Variants in ZNF827 observed in about 807,000 individuals in gnomAD.
ZNF827 encodes the protein zinc finger protein 827.
Under a neutral mutation model 102.4 loss-of-function variants are expected in ZNF827, and 13 were observed. The observed-to-expected ratio is 0.13, with a 90% CI of 0.08 to 0.20. ZNF827 has a LOEUF of 0.20. ZNF827 is among the 10% of genes least tolerant of loss of function. The pLI is 1.00. For missense variants in ZNF827, 1,103 were observed against 1,344.4 expected, an observed-to-expected ratio of 0.82 and a Z score of 2.81; for synonymous variants, 523 against 536.2, an observed-to-expected ratio of 0.98 and a Z score of 0.34.
At chr4:145,783,471 T>A (rs1294156787) in intron 8 of ZNF827, among the ~76,000 whole-genome samples, 2 of 152,248 alleles carry the variant, frequency 1.3e-5, no homozygotes, top group Non-Finnish European at 2.9e-5. Context: ...TGAGCCATAC[T>A]CCTAAAGGCT....
intron 11 of ZNF827, among the ~76,000 whole-genome samples, chr4:145,770,298 TAAAATAAATAAA>T (rs1463615634): frequency 8.1e-5 from 11 of 135,076 alleles, no homozygotes; most frequent in African/African-American, 2.9e-4. Context: ...GACCCTGTCT[TAAAATAAATAAA>T]TAAATAAATA....
chr4:145,829,958 T>C (rs1744046013), intron 7 of ZNF827, among the ~76,000 whole-genome samples: 2 of 152,240 alleles, frequency 1.3e-5, no homozygotes, highest in South Asian at 4.1e-4. Flanking sequence ...GGCATTAACA[T>C]TTTGAAGTGT....
chr4:145,787,481 A>G (rs889332127), intron 8 of ZNF827, among the ~76,000 whole-genome samples: 32 of 152,028 alleles, frequency 2.1e-4, no homozygotes, highest in Non-Finnish European at 3.4e-4. Flanking sequence ...AAAAAAAAAA[A>G]AAAGAAATAG....
Position 145,812,676 on chromosome 4 carries a change from C to T in ZNF827, c.2383+10746G>A, listed in dbSNP as rs142121297. Among the ~76,000 whole-genome samples, 665 of 152,196 alleles carry T rather than the reference C, an allele frequency of 4.4e-3. 13 individuals carry two copies. Among genetic ancestry groups the T allele is most frequent in the Admixed American group, 0.03 (464 of 15,286 alleles). On this transcript the variant is annotated intron_variant, in intron 8 of 14. Transcript: ENST00000508784. ...CTGGGTAGGTGGGACTACAGGCGCA[C>T]GCCAACACGCCCAGCTAACTTTTGT...
chr4:145,835,754 C>T (rs1267530988), intron 7 of ZNF827, among the ~76,000 whole-genome samples: 1 of 118,514 alleles, frequency 8.4e-6, no homozygotes, highest in African/African-American at 3.1e-5. Flanking sequence ...CCGCAGCACG[C>T]TTTAAAAGGA....
At chr4:145,854,340 G>A (rs72723896) in intron 5 of ZNF827, among the ~76,000 whole-genome samples, 5,483 of 151,894 alleles carry the variant, frequency 0.036, 143 homozygotes, top group Non-Finnish European at 0.052. Context: ...GACAGAGTGA[G>A]GTCTGCAAAA....
intron 1 of ZNF827, among the ~76,000 whole-genome samples, chr4:145,918,403 T>C (rs768359729): frequency 3.9e-4 from 58 of 150,114 alleles, no homozygotes; most frequent in Non-Finnish European, 6.8e-4. Context: ...ACAGGTACTT[T>C]TTCTTTATAT....
chr4:145,801,798 G>A (rs1740930532), intron 8 of ZNF827, among the ~76,000 whole-genome samples: 1 of 152,066 alleles, frequency 6.6e-6, no homozygotes, highest in South Asian at 2.1e-4. Context: ...TTCTGGAGTG[G>A]GTGGAATCCA....
At chr4:145,829,058 A>C (rs192978422) in intron 7 of ZNF827, among the ~76,000 whole-genome samples, 2 of 152,324 alleles carry the variant, frequency 1.3e-5, no homozygotes, top group Admixed American at 1.3e-4. Flanking sequence ...CCAAAAGAAA[A>C]CAGAAAAGAA....
chr4:145,857,418 T>C (rs915809851), intron 5 of ZNF827, among the ~76,000 whole-genome samples: 7 of 152,358 alleles, frequency 4.6e-5, no homozygotes, highest in African/African-American at 1.7e-4. Flanking sequence ...GTTGCTTTAC[T>C]CTTACGTAGA....
At chr4:145,845,882 G>T in intron 7 of ZNF827, 74 bp downstream of exon 7, 2 of 1,482,146 alleles carry the variant, frequency 1.3e-6, no homozygotes, top group Non-Finnish European at 9.4e-7. Context: ...GGTTTGGGGA[G>T]CAACGTTCAA....
chr4:145,849,717 G>C (rs1361658158), intron 5 of ZNF827, among the ~76,000 whole-genome samples, 156 bp from the exon 6 acceptor site: 1 of 152,170 alleles, frequency 6.6e-6, no homozygotes, highest in African/African-American at 2.4e-5. Context: ...AAAACCATTG[G>C]CTCAATCATC....
At chr4:145,916,315 T>G (rs549433307) in intron 1 of ZNF827, among the ~76,000 whole-genome samples, 2 of 152,304 alleles carry the variant, frequency 1.3e-5, no homozygotes, top group South Asian at 4.1e-4. Context: ...TTCTACCACA[T>G]GAACATAGCC....
intron 8 of ZNF827, among the ~76,000 whole-genome samples, chr4:145,809,530 G>C (rs912906395): frequency 6.6e-6 from 1 of 152,212 alleles, no homozygotes; most frequent in East Asian, 1.9e-4. Flanking sequence ...AGAAGGGTCT[G>C]AATTCTAAAA....
chr4:145,897,527 G>A (rs1475343947), intron 2 of ZNF827, among the ~76,000 whole-genome samples: 1 of 152,168 alleles, frequency 6.6e-6, no homozygotes, highest in African/African-American at 2.4e-5. Context: ...TGTGTAGGAT[G>A]ACGACCTATC....
At position 145,765,846 on chromosome 4, in the gene ZNF827, G is replaced by A. The variant is rs1257316753; in HGVS notation, c.2861-108C>T. 6.9e-6 allele frequency: 8 copies of A among 1,156,340 alleles called. No individual in the cohort carries two copies. The East Asian group carries it at 1.0e-4, about 15-fold the overall frequency. 71.6% of individuals were successfully genotyped at this position (1,156,340 alleles called of 1,614,324 possible). A position where few individuals can be genotyped will look rare whatever the true frequency, so the allele number is the denominator to read the frequency against. ...TCATGGATGCATCATCATTCTGGGG[G>A]CACAGGCTCATGTCCCCAGCTCCCC... On this transcript the variant is annotated intron_variant, in intron 11 of 14. Coordinates refer to ENST00000508784, the MANE Select transcript of ZNF827 (RefSeq NM_001306215.2). This position sits in a 1 kb window ranked among gnomAD's most constrained non-coding sequence, Gnocchi z 4.7.
At chr4:145,884,991 T>C (rs572198208) in intron 4 of ZNF827, among the ~76,000 whole-genome samples, 134 of 152,044 alleles carry the variant, frequency 8.8e-4, no homozygotes, top group Non-Finnish European at 1.4e-3. Flanking sequence ...GAGTTTCAGT[T>C]TGAGAGAATG....
chr4:145,861,857 C>T (rs1322196901), intron 5 of ZNF827, among the ~76,000 whole-genome samples: 1 of 152,188 alleles, frequency 6.6e-6, no homozygotes, highest in Admixed American at 6.5e-5. Context: ...CAAGCCAATA[C>T]AAATTTTCGT....
rs149834254 is a variant in ZNF827 at position 145,771,453 on chromosome 4, T to C, written c.2860+3053A>G. 4.7e-3 allele frequency among the ~76,000 whole-genome samples: 710 copies of C among 152,356 alleles called. 5 individuals are homozygous for C. Among genetic ancestry groups the C allele is most frequent in the African/African-American group, 0.016 (658 of 41,584 alleles). ...ATGTGAGGTGAGGTATTGATAGTTG[T>C]ATTTTCCAAATAGCCATTCAGATTC... On this transcript the variant is annotated intron_variant, in intron 11 of 14. Transcript: ENST00000508784.
Sources: gnomAD v4.1 joint callset for allele counts (sites outside exome capture counted in the v4.1 genomes callset) on GRCh38, gnomAD v4.1.1 for gene constraint, Gnocchi (gnomAD v3.1) non-coding constraint, MANE v1.5 for transcripts, NCBI Gene and HGNC (gene_info 2026-07-23, HGNC 2026-07-21) for gene names.